The following SYT14 variants were observed in gnomAD, a reference collection of about 807,000 sequenced individuals.
SYT14 encodes the protein synaptotagmin-14.
SYT14 carries 32 observed loss-of-function variants against 74.2 expected under a neutral mutation model. The ratio of observed to expected loss-of-function variants is 0.43; its 90% confidence interval spans 0.33 to 0.58. The LOEUF is 0.58. SYT14 is among the 20% of genes least tolerant of loss of function. SYT14 has a pLI of 0.05. For missense variants in SYT14, 791 were observed against 981.8 expected (o/e 0.81, Z 2.60); for synonymous variants, 298 against 337.7 (o/e 0.88, Z 1.29).
At chr1:209,943,478 C>G (rs2078769228) in intron 1 of SYT14, among the ~76,000 whole-genome samples, 1 of 115,806 alleles carries the variant, frequency 8.6e-6, no homozygotes, top group Admixed American at 1.3e-4. Flanking sequence ...CACTGCACTT[C>G]AGCCTGGACA....
intron 2 of SYT14, among the ~76,000 whole-genome samples, chr1:209,990,196 C>A (rs1473812052): frequency 6.6e-6 from 1 of 151,750 alleles, no homozygotes; most frequent in Admixed American, 6.6e-5. Context: ...GTACATTTTA[C>A]AAAATATATA....
At chr1:210,159,583 A>G in intron 9 of SYT14, 106 bp downstream of exon 8, 1 of 905,076 alleles carries the variant, frequency 1.1e-6, no homozygotes, top group Non-Finnish European at 1.8e-6. Context: ...TTCCAAAACA[A>G]TGCACATTTA....
chr1:210,040,223 A>C (rs896234282), intron 5 of SYT14, among the ~76,000 whole-genome samples: 1 of 152,206 alleles, frequency 6.6e-6, no homozygotes, highest in Non-Finnish European at 1.5e-5. Context: ...TTGCAGGGAC[A>C]TGGATGAAGC....
intron 7 of SYT14, among the ~76,000 whole-genome samples, chr1:210,121,461 C>G (rs1426124443): frequency 6.6e-6 from 1 of 152,084 alleles, no homozygotes; most frequent in African/African-American, 2.4e-5. Flanking sequence ...AAATATAATT[C>G]AAGCCTCAAA....
At chr1:210,102,681 T>TC (rs1196174183) in intron 7 of SYT14, among the ~76,000 whole-genome samples, 1 of 152,024 alleles carries the variant, frequency 6.6e-6, no homozygotes, top group Non-Finnish European at 1.5e-5. Flanking sequence ...TTGCTTTTTT[T>TC]CCCCAGAGTC....
At chr1:209,985,802 C>T (rs1419660197) in intron 2 of SYT14, among the ~76,000 whole-genome samples, 1 of 152,234 alleles carries the variant, frequency 6.6e-6, no homozygotes, top group East Asian at 1.9e-4. Flanking sequence ...TGCCTACAGG[C>T]TTAACACTAC....
intron 2 of SYT14, among the ~76,000 whole-genome samples, chr1:209,961,213 GA>G (rs2079070945): frequency 6.6e-6 from 1 of 152,076 alleles, no homozygotes; most frequent in Admixed American, 6.6e-5. Flanking sequence ...GAACATAGTA[GA>G]AAAGTGTCTG....
At chr1:210,160,773 A>G in exon 10 of SYT14, 1 of 1,613,990 alleles carries the variant, frequency 6.2e-7, no homozygotes, top group Non-Finnish European at 8.5e-7. Context: ...GGGTCAAGAG[A>G]TGTCCAAATG....
chr1:210,114,105 A>G (rs978617252), intron 7 of SYT14, among the ~76,000 whole-genome samples: 7 of 151,542 alleles, frequency 4.6e-5, no homozygotes, highest in African/African-American at 1.7e-4. Context: ...TCTGGGAAGG[A>G]GTCAGTCAGA....
chr1:210,151,872 C>T (rs1398356538), intron 7 of SYT14, among the ~76,000 whole-genome samples: 1 of 152,112 alleles, frequency 6.6e-6, no homozygotes, highest in Non-Finnish European at 1.5e-5. Context: ...AAAGGCCTTT[C>T]CATCGCTTTC....
rs1473614264 is a variant in SYT14, at chr1:210,045,606, A to G, written c.1312+24352A>G. Among the ~76,000 whole-genome samples, 3 of 152,308 alleles carry G rather than the reference A, an allele frequency of 2.0e-5. No individual in the cohort carries two copies. In the South Asian group the frequency reaches 6.2e-4, roughly 32 times the overall value. Reference sequence around the variant, plus strand: ...ATCTCTGAATTAATAGTATAGTTACATTAATAAATAAGGACTTTAACCAAA... The same window carrying G: ...ATCTCTGAATTAATAGTATAGTTACGTTAATAAATAAGGACTTTAACCAAA... On this transcript the variant is annotated intron_variant, in intron 5 of 9. Transcript: ENST00000637265.
intron 1 of SYT14, among the ~76,000 whole-genome samples, chr1:209,940,558 C>T (rs2078714373): frequency 6.6e-6 from 1 of 152,164 alleles, no homozygotes. Flanking sequence ...TGTATAAAAA[C>T]ATTCAATGAT....
chr1:210,053,965 AT>A (rs1285558406), intron 5 of SYT14, among the ~76,000 whole-genome samples: 1 of 152,152 alleles, frequency 6.6e-6, no homozygotes, highest in African/African-American at 2.4e-5. Context: ...CTAACTTGTA[AT>A]TGATTAATGG....
chr1:209,955,480 T>A (rs535518826), intron 2 of SYT14, among the ~76,000 whole-genome samples: 4 of 152,332 alleles, frequency 2.6e-5, no homozygotes, highest in African/African-American at 7.2e-5. Context: ...GTATATTTTT[T>A]AATTTATCCT....
At chr1:209,988,543 T>G (rs1465477783) in intron 2 of SYT14, among the ~76,000 whole-genome samples, 1 of 152,192 alleles carries the variant, frequency 6.6e-6, no homozygotes, top group Non-Finnish European at 1.5e-5. Context: ...TAATCGTGAT[T>G]AGTTCTTGAG....
At chr1:209,973,846 A>G (rs531464550) in intron 2 of SYT14, among the ~76,000 whole-genome samples, 11 of 152,160 alleles carry the variant, frequency 7.2e-5, no homozygotes, top group South Asian at 2.1e-4. Context: ...AAGTGTTCCT[A>G]TTTCTCCACA....
chr1:209,993,321 G>T (rs1052439600), intron 2 of SYT14, among the ~76,000 whole-genome samples: 2 of 152,210 alleles, frequency 1.3e-5, no homozygotes, highest in African/African-American at 4.8e-5. Context: ...GCATGATTGA[G>T]TGCACAGTGT....
chr1:210,141,254 G>A (rs1008469638), intron 7 of SYT14, among the ~76,000 whole-genome samples: 1 of 152,004 alleles, frequency 6.6e-6, no homozygotes, highest in South Asian at 2.1e-4. Context: ...TTACAGTTTT[G>A]TTAAATACAT....
At chr1:210,075,289 T>G (rs1215793968) in intron 5 of SYT14, among the ~76,000 whole-genome samples, 1 of 152,046 alleles carries the variant, frequency 6.6e-6, no homozygotes, top group Non-Finnish European at 1.5e-5. Context: ...GCTGATGTGT[T>G]CTTCTTGACG....
Sources: allele counts gnomAD v4.1 joint callset (sites outside exome capture counted in the v4.1 genomes callset), GRCh38; gene constraint gnomAD v4.1.1; transcripts MANE v1.5; gene names NCBI Gene and HGNC (gene_info 2026-07-23, HGNC 2026-07-21).